Variants in DMPK observed in about 807,000 individuals in gnomAD.
DMPK encodes the protein myotonin-protein kinase.
DMPK carries 32 observed loss-of-function variants against 70.3 expected under a neutral mutation model. The observed-to-expected ratio is 0.46, with a 90% CI of 0.34 to 0.61. DMPK has a LOEUF of 0.61. Among genes scored for constraint, DMPK ranks in the 20% least tolerant of loss-of-function variants. DMPK has a pLI of 0.01. For missense variants in DMPK, 899 were observed against 886.0 expected, an observed-to-expected ratio of 1.01 and a Z score of -0.19; for synonymous variants, 469 against 390.9, an observed-to-expected ratio of 1.20 and a Z score of -2.36.
intron 12 of DMPK, 69 bp downstream of exon 12, chr19:45,771,499 C>T: frequency 1.2e-6 from 2 of 1,611,042 alleles, no homozygotes; most frequent in South Asian, 1.1e-5. Context: ...GGTGTCTATA[C>T]ACGCCCCGCG....
rs376817493 is a variant in DMPK at position 45,770,330 on chromosome 19, G to T, written c.*158C>A. On this transcript the variant is annotated 3_prime_UTR_variant, in exon 15 of 15. Coordinates refer to ENST00000291270, the MANE Select transcript of DMPK (RefSeq NM_004409.5). Reference sequence around the variant, plus strand: ...CCGCGGACCCGGCCCCTCCCTCCCCGGCCGCTAGGGGGCGGGCCCGGATCA... The same window carrying T: ...CCGCGGACCCGGCCCCTCCCTCCCCTGCCGCTAGGGGGCGGGCCCGGATCA... 45 of 1,078,144 alleles carry T rather than the reference G, an allele frequency of 4.2e-5. No homozygotes were observed. Among genetic ancestry groups the T allele is most frequent in the East Asian group, 2.4e-4 (9 of 37,840 alleles). The allele number at this position is 1,078,144 out of a possible 1,614,324, so 66.8% of individuals were successfully genotyped here. A position where few individuals can be genotyped will look rare whatever the true frequency, so the allele number is the denominator to read the frequency against.
In DMPK at chr19:45,779,878, G is replaced by A. The variant is rs763497515; in HGVS notation, c.161-9C>T. ...CACCACGATGGGCTCCGCTGGGGGG[G>A]TGGTGGGGGAAAAGAACCGAGGGTC... is the stretch of plus-strand genomic sequence containing the variant. On this transcript the variant is annotated splice_polypyrimidine_tract_variant and intron_variant, in intron 1 of 14. Coordinates refer to ENST00000291270, the MANE Select transcript of DMPK (RefSeq NM_004409.5). The A allele has an allele frequency of 3.7e-6, 6 of 1,613,576 alleles. No homozygotes were observed. The highest frequency in any genetic ancestry group is 2.2e-5 in the East Asian group (1 of 44,884).
In DMPK at chr19:45,778,625, T is replaced by A. The variant is rs368423827; in HGVS notation, c.449A>T (p.Tyr150Phe). The change falls in exon 5 of 15, where the codon TAT becomes TTT. Residue 150 changes from tyrosine (Y) to phenylalanine (F), a missense_variant. Tyr to Phe is a conservative substitution (Grantham distance 22). Coordinates refer to ENST00000291270, the MANE Select transcript of DMPK (RefSeq NM_004409.5). ...TGTCAGCAGGTCCCCGCCCACGTAATACTCCATGACCAGGTACTGAGAAGG... is the reference window on the plus strand; with the variant it reads ...TGTCAGCAGGTCCCCGCCCACGTAAAACTCCATGACCAGGTACTGAGAAGG... ...DENYLYLVME[Y>F]YVGGDLLTLL... 1 of 1,613,516 alleles carries A rather than the reference T, an allele frequency of 6.2e-7. No individual in the cohort carries two copies. Among genetic ancestry groups the A allele is most frequent in the African/African-American group, 1.3e-5 (1 of 74,852 alleles).
At position 45,771,672 on chromosome 19, in the gene DMPK, G is replaced by A; in HGVS notation, c.1503-7C>T. ...CTCTGCCTCGCGTAGTTGACTGTGG[G>A]GAGGTAAGGACGGTGAGTCCGTCCG... On this transcript the variant is annotated splice_polypyrimidine_tract_variant and splice_region_variant and intron_variant, in intron 11 of 14. Transcript: ENST00000291270. 1 of 1,613,900 alleles carries A rather than the reference G, an allele frequency of 6.2e-7. No homozygotes were observed. Among genetic ancestry groups the A allele is most frequent in the Middle Eastern group, 1.6e-4 (1 of 6,062 alleles).
At chr19:45,778,821 C>CG (rs1467658003) in intron 4 of DMPK, 180 bp from the exon 5 acceptor site, 1 of 633,104 alleles carries the variant, frequency 1.6e-6, no homozygotes, top group African/African-American at 1.9e-5. Context: ...CCCCCGCCCC[C>CG]GCCCCTCAAA....
chr19:45,774,982 A>G lies in DMPK; in HGVS notation c.1199T>C (p.Phe400Ser), dbSNP rs1969696198. 2 of 1,613,876 alleles carry G rather than the reference A, an allele frequency of 1.2e-6. No homozygotes were observed. The highest frequency in any genetic ancestry group is 1.7e-6 in the Non-Finnish European group (2 of 1,180,004). Reference protein sequence around the residue: ...EGAPLGVHLPFVGYSYSCMAL... With the variant: ...EGAPLGVHLPSVGYSYSCMAL... ...CATGCAGGAGTAGGAGTAGCCCACA[A>G]AAGGCAGGTGGACCCCTAGCGGCGC... Residue 400 changes from phenylalanine (F) to serine (S), a missense_variant, in exon 9 of 15, where the codon TTT (phenylalanine) becomes TCT (serine). Coordinates refer to ENST00000291270, the MANE Select transcript of DMPK (RefSeq NM_004409.5).
Position 45,769,843 on chromosome 19 carries a change from G to T in DMPK, c.*645C>A, listed in dbSNP as rs1315821168. The T allele has an allele frequency of 1.3e-5, 3 of 230,582 alleles. No homozygotes were observed. The highest frequency in any genetic ancestry group is 1.1e-4 in the South Asian group (2 of 18,510). 14.3% of individuals were successfully genotyped at this position (230,582 alleles called of 1,614,324 possible). On this transcript the variant is annotated 3_prime_UTR_variant, in exon 15 of 15. Coordinates refer to ENST00000291270, the MANE Select transcript of DMPK (RefSeq NM_004409.5). The stretch of plus-strand genomic sequence containing the variant: ...CAAAACGTGGATTGGGGTTGTTGGG[G>T]GTCCTGTAGCCTGTCAGCGAGTCGG...
rs779481949 is a variant in DMPK, at chr19:45,779,254, C to G, written c.432+10G>C. ...GTCCCTCTTCCTAGTCACCCCGGCC[C>G]GGAGCTCACCAGGTAGTTCTCATCC... On this transcript the variant is annotated intron_variant, in intron 4 of 14. Transcript: ENST00000291270. The G allele has an allele frequency of 6.2e-6, 10 of 1,613,564 alleles. No homozygotes were observed. Among genetic ancestry groups the G allele is most frequent in the Non-Finnish European group, 8.5e-6 (10 of 1,179,746 alleles).
chr19:45,770,751 C>A (rs1273839058), intron 14 of DMPK, 111 bp from the exon 15 acceptor site: 3 of 1,287,864 alleles, frequency 2.3e-6, no homozygotes, highest in Non-Finnish European at 2.1e-6. Flanking sequence ...GCCCCGCCCC[C>A]GCCCCAACAG....
rs747173887 is a variant in DMPK at position 45,770,592 on chromosome 19, C to A, written c.1786G>T (p.Val596Phe). 1.3e-6 allele frequency: 2 copies of A among 1,552,576 alleles called. No homozygotes were observed. The highest frequency in any genetic ancestry group is 2.7e-5 in the African/African-American group (2 of 73,108). The change falls in exon 15 of 15, where the codon GTT becomes TTT. Residue 596 changes from valine (V) to phenylalanine (F), a missense_variant. By Grantham distance (50) the Val-to-Phe change is conservative. This residue lies in a region of DMPK where 555 missense variants were observed against 483.8 expected (regional missense o/e 1.15). Coordinates refer to ENST00000291270, the MANE Select transcript of DMPK (RefSeq NM_004409.5). Reference sequence around the variant, plus strand: ...AGGGCGGCGGCACGAGACAGAACAACGGCGAACAGGAGCAGGGAAAGCGCC... The same window carrying A: ...AGGGCGGCGGCACGAGACAGAACAAAGGCGAACAGGAGCAGGGAAAGCGCC... ...SEALSLLLFA[V>F]VLSRAAALGC...
rs1303462468 is a variant in DMPK at position 45,779,780 on chromosome 19, C to G, written c.250G>C (p.Glu84Gln). Reference protein sequence around the residue: ...LKVIGRGAFSEVAVVKMKQTG... With the variant: ...LKVIGRGAFSQVAVVKMKQTG... ...GGCTCCCGCCCGGTTCGGCTTACCTCGCTGAACGCCCCGCGTCCGATCACC... is the reference window on the plus strand; with the variant it reads ...GGCTCCCGCCCGGTTCGGCTTACCTGGCTGAACGCCCCGCGTCCGATCACC... Residue 84 changes from glutamate (E) to glutamine (Q), a missense_variant and splice_region_variant, in exon 2 of 15, where the codon GAG (glutamate) becomes CAG (glutamine). Physicochemically the swap from Glu to Gln is conservative, Grantham distance 29. Around this residue, in one of 3 missense-constraint regions of DMPK, gnomAD observed 149 missense variants for 142.5 expected, o/e 1.05. Transcript: ENST00000291270. 4 of 1,556,198 alleles carry G rather than the reference C, an allele frequency of 2.6e-6. No individual in the cohort carries two copies. The South Asian group carries it at 3.7e-5, about 14-fold the overall frequency.
At position 45,771,053 on chromosome 19, in the gene DMPK, C is replaced by G; in HGVS notation, c.1655G>C (p.Gly552Ala). The change falls in exon 14 of 15, where the codon GGC becomes GCC. Residue 552 changes from glycine to alanine, a missense_variant. Gly to Ala is a moderately conservative substitution (Grantham distance 60). Transcript: ENST00000291270. ...RATDPPSHLDGPPAVAVGQCP... is the reference protein window; with the variant it reads ...RATDPPSHLDAPPAVAVGQCP... Reference sequence around the variant, plus strand: ...CTGGCCCACAGCCACGGCCGGGGGGCCATCTAGCTGGAGAGAGAAGGGACA... The same window carrying G: ...CTGGCCCACAGCCACGGCCGGGGGGGCATCTAGCTGGAGAGAGAAGGGACA... 6.6e-7 allele frequency: 1 copy of G among 1,519,070 alleles called. No homozygotes were observed. The highest frequency in any genetic ancestry group is 8.8e-7 in the Non-Finnish European group (1 of 1,134,874). 94.1% of individuals were successfully genotyped at this position (1,519,070 alleles called of 1,614,324 possible).
intron 14 of DMPK, 37 bp from the exon 15 acceptor site, chr19:45,770,677 C>A: frequency 6.5e-7 from 1 of 1,544,452 alleles, no homozygotes; most frequent in Non-Finnish European, 8.7e-7. Context: ...CCGGCATGGG[C>A]CTCTGATTGG....
intron 1 of DMPK, chr19:45,780,089 G>C: frequency 6.7e-7 from 1 of 1,495,026 alleles, no homozygotes; most frequent in East Asian, 2.5e-5. Flanking sequence ...AGCCCTTTGC[G>C]GGACAGGGCA....
At chr19:45,780,010 C>T (rs1600448674) in intron 1 of DMPK, 141 bp from the exon 2 acceptor site, 1 of 1,554,338 alleles carries the variant, frequency 6.4e-7, no homozygotes, top group Non-Finnish European at 8.7e-7. Flanking sequence ...CCAGGGGCTT[C>T]CCCACATAAA....
rs577235723 is a variant in DMPK, at chr19:45,770,164, C to A, written c.*324G>T. The A allele has an allele frequency of 3.8e-5, 25 of 652,620 alleles. No homozygotes were observed. The highest frequency in any genetic ancestry group is 5.1e-6 in the Non-Finnish European group (2 of 393,144). 40.4% of individuals were successfully genotyped at this position (652,620 alleles called of 1,614,324 possible). A position where few individuals can be genotyped will look rare whatever the true frequency, so the allele number is the denominator to read the frequency against. On this transcript the variant is annotated 3_prime_UTR_variant, in exon 15 of 15. Coordinates refer to ENST00000291270, the MANE Select transcript of DMPK (RefSeq NM_004409.5). ...TGCAGTTTGCCCATCCACGTCAGGG[C>A]CTCAGCCTGGCCGAAAGAAAGAAAT... is the stretch of plus-strand genomic sequence containing the variant.
intron 8 of DMPK, 62 bp from the exon 9 acceptor site, chr19:45,775,096 T>C (rs1969707280): frequency 7.3e-7 from 1 of 1,367,714 alleles, no homozygotes; most frequent in African/African-American, 1.4e-5. Flanking sequence ...TGCTTTTTGA[T>C]CTTGGCTTAC....
At position 45,775,051 on chromosome 19, in the gene DMPK, G is replaced by T; in HGVS notation, c.1147-17C>A. 6.2e-7 allele frequency: 1 copy of T among 1,607,658 alleles called. No individual in the cohort carries two copies. The highest frequency in any genetic ancestry group is 8.5e-7 in the Non-Finnish European group (1 of 1,175,264). On this transcript the variant is annotated splice_polypyrimidine_tract_variant and intron_variant, in intron 8 of 14. Transcript: ENST00000291270. ...CAGTGTCTCCTGCGCAAGACACACA[G>T]ATGTGAGCAGCAGTCGTCAGGGCGG...
chr19:45,775,023 CGACAG>C lies in DMPK; in HGVS notation c.1153_1157del (p.Leu385GlyfsTer28). ...CTAGCGGCGCACCTTCCCGAATGTC[CGACAG>C]TGTCTCCTGCGCAAGACACACAGAT... On this transcript the variant is annotated frameshift_variant, in exon 9 of 15. Coordinates refer to ENST00000291270, the MANE Select transcript of DMPK (RefSeq NM_004409.5). LOFTEE classifies it high-confidence loss of function. The C allele has an allele frequency of 6.2e-7, 1 of 1,613,700 alleles. No homozygotes were observed. Among genetic ancestry groups the C allele is most frequent in the Non-Finnish European group, 8.5e-7 (1 of 1,179,890 alleles).
Sources: gnomAD v4.1 joint callset for allele counts on GRCh38, gnomAD v4.1.1 for gene constraint, gnomAD v4.1.1 regional missense constraint, MANE v1.5 for transcripts, NCBI Gene and HGNC (gene_info 2026-07-23, HGNC 2026-07-21) for gene names.